CTCF: variants seen among roughly 807,000 people sequenced by gnomAD.
CTCF encodes CCCTC-binding factor.
In CTCF, 7 loss-of-function variants were observed where a neutral mutation model predicts 72.3. The ratio of observed to expected loss-of-function variants is 0.10; its 90% CI spans 0.06 to 0.18. The LOEUF is 0.18. CTCF is among the 10% of genes least tolerant of loss of function. CTCF has a pLI of 1.00. For missense variants in CTCF, 516 were observed against 949.1 expected, an observed-to-expected ratio of 0.54 and a Z score of 6.00; for synonymous variants, 374 against 315.8, an observed-to-expected ratio of 1.18 and a Z score of -1.95.
chr16:67,629,361 T>A (rs758698374), intron 9 of CTCF, 37 bp from the exon 10 acceptor site: 9 of 1,567,850 alleles, frequency 5.7e-6, no homozygotes, highest in Middle Eastern at 1.7e-4. Context: ...CTTAGCTTTT[T>A]TAGTGGTGTG....
Position 67,638,234 on chromosome 16 carries a change from C to A in CTCF, c.*362C>A. 3.8e-6 allele frequency: 1 copy of A among 262,426 alleles called. No individual in the cohort carries two copies. Among genetic ancestry groups the A allele is most frequent in the Non-Finnish European group, 7.3e-6 (1 of 137,348 alleles). The allele number at this position is 262,426 out of a possible 1,614,324, so 16.3% of individuals were successfully genotyped here. On this transcript the variant is annotated 3_prime_UTR_variant, in exon 12 of 12. Transcript: ENST00000264010. ...TCCCAGAGTTCTATGGTCTTCTTCC[C>A]AAGAGAGTTTTTAATTGTAAATGCA...
At chr16:67,612,716 TGA>T (rs2052077560) in intron 4 of CTCF, among the ~76,000 whole-genome samples, 1 of 151,620 alleles carries the variant, frequency 6.6e-6, no homozygotes, top group Non-Finnish European at 1.5e-5. Flanking sequence ...GCAGATCACT[TGA>T]GATTAGAAGT....
chr16:67,590,633 G>C (rs955625012), intron 2 of CTCF, among the ~76,000 whole-genome samples: 1 of 149,692 alleles, frequency 6.7e-6, no homozygotes, highest in Non-Finnish European at 1.5e-5. Context: ...CACCGTGCCC[G>C]GCCCTAACTG....
chr16:67,619,826 G>T (rs1018799432), intron 5 of CTCF, among the ~76,000 whole-genome samples: 6 of 152,052 alleles, frequency 3.9e-5, no homozygotes, highest in Admixed American at 1.3e-4. Context: ...TCAAGCAATC[G>T]CACGCCTTGG....
intron 2 of CTCF, among the ~76,000 whole-genome samples, chr16:67,604,333 T>A (rs2051940500): frequency 6.6e-6 from 1 of 151,628 alleles, no homozygotes. Context: ...TTTTTGTTAG[T>A]TTTGTTTTTG....
intron 2 of CTCF, among the ~76,000 whole-genome samples, chr16:67,591,047 CTT>C (rs2051736901): frequency 6.6e-6 from 1 of 150,692 alleles, no homozygotes; most frequent in Non-Finnish European, 1.5e-5. Context: ...AATCCCAGCA[CTT>C]TGGGAGGCCG....
chr16:67,592,809 T>A (rs1229369568), intron 2 of CTCF, among the ~76,000 whole-genome samples: 1 of 151,494 alleles, frequency 6.6e-6, no homozygotes, highest in Non-Finnish European at 1.5e-5. Context: ...GGTGGATCAC[T>A]TGAGCTCAGG....
At position 67,571,151 on chromosome 16, in the gene CTCF, G is replaced by A. The variant is rs990908290; in HGVS notation, c.-123G>A. On this transcript the variant is annotated 5_prime_UTR_variant, in exon 2 of 12. An upstream start codon of the reference 5' UTR is lost. Transcript: ENST00000264010. ...ATGATTTGTGCTTTTCTTTTAGAAT[G>A]ATTACGGACCTGAAGCCAAAGAACA... 1.3e-5 allele frequency: 2 copies of A among 152,506 alleles called. No individual in the cohort carries two copies. The highest frequency in any genetic ancestry group is 2.9e-5 in the Non-Finnish European group (2 of 68,044). The allele number at this position is 152,506 out of a possible 1,614,324, so 9.4% of individuals were successfully genotyped here. A position where few individuals can be genotyped will look rare whatever the true frequency, so the allele number is the denominator to read the frequency against.
chr16:67,597,597 G>A (rs568698816), intron 2 of CTCF, among the ~76,000 whole-genome samples: 52 of 152,208 alleles, frequency 3.4e-4, no homozygotes, highest in African/African-American at 1.2e-3. Flanking sequence ...TTGGCCTCCC[G>A]AAGTGCTGAG....
intron 2 of CTCF, among the ~76,000 whole-genome samples, chr16:67,607,012 A>G (rs1419602143): frequency 2.6e-5 from 4 of 152,020 alleles, no homozygotes; most frequent in Non-Finnish European, 5.9e-5. Flanking sequence ...GAGGGAGTAC[A>G]GTGGCCCAAT....
At chr16:67,565,374 C>T (rs1450636957) in intron 1 of CTCF, among the ~76,000 whole-genome samples, 2 of 151,836 alleles carry the variant, frequency 1.3e-5, no homozygotes, top group Non-Finnish European at 2.9e-5. Context: ...GAAAATACTG[C>T]CTATTTAAGA....
At chr16:67,626,477 T>C in intron 7 of CTCF, 78 bp from the exon 8 acceptor site, 1 of 556,810 alleles carries the variant, frequency 1.8e-6, no homozygotes, top group South Asian at 4.9e-5. Flanking sequence ...AAAAAAAGAA[T>C]CGAGAAATGT....
chr16:67,582,152 A>G (rs1278921089), intron 2 of CTCF, among the ~76,000 whole-genome samples: 1 of 151,292 alleles, frequency 6.6e-6, no homozygotes, highest in East Asian at 2.0e-4. Context: ...CGGAGCTTGC[A>G]GTGAGCCGAG....
intron 1 of CTCF, among the ~76,000 whole-genome samples, chr16:67,567,115 T>G (rs1216409597): frequency 2.0e-5 from 3 of 151,968 alleles, no homozygotes; most frequent in African/African-American, 7.3e-5. Context: ...GTGCTGGGAT[T>G]AGGTGTGAGC....
intron 2 of CTCF, among the ~76,000 whole-genome samples, chr16:67,604,312 C>T (rs1327299772): frequency 1.3e-5 from 2 of 151,952 alleles, no homozygotes; most frequent in Non-Finnish European, 2.9e-5. Flanking sequence ...GTGTCTCAAG[C>T]ATAACAATTT....
intron 8 of CTCF, 47 bp from the exon 9 acceptor site, chr16:67,628,323 T>C: frequency 1.3e-6 from 2 of 1,555,788 alleles, no homozygotes; most frequent in Non-Finnish European, 1.8e-6. Flanking sequence ...GCTGGGGCAG[T>C]AGCCCCATGA....
intron 7 of CTCF, 60 bp from the exon 8 acceptor site, chr16:67,626,495 A>C (rs892736614): frequency 2.5e-5 from 30 of 1,177,998 alleles, no homozygotes; most frequent in Non-Finnish European, 3.3e-5. Context: ...TGTATTAGTA[A>C]CTTGTTAAAA....
intron 4 of CTCF, chr16:67,615,907 C>T (rs1253708918): frequency 2.0e-5 from 3 of 152,148 alleles, no homozygotes; most frequent in African/African-American, 7.2e-5. Flanking sequence ...CTAATTGTAT[C>T]CTCAAAGGCA....
At chr16:67,620,397 C>G (rs2052185823) in intron 5 of CTCF, among the ~76,000 whole-genome samples, 1 of 151,890 alleles carries the variant, frequency 6.6e-6, no homozygotes, top group African/African-American at 2.4e-5. Flanking sequence ...TACGGGGTCT[C>G]ACCATTTGGC....
Sources: gnomAD v4.1 joint callset for allele counts (sites outside exome capture counted in the v4.1 genomes callset) on GRCh38, gnomAD v4.1.1 for gene constraint, MANE v1.5 for transcripts, NCBI Gene and HGNC (gene_info 2026-07-23, HGNC 2026-07-21) for gene names.